Variants in HTT observed in about 807,000 individuals in gnomAD.
HTT encodes the protein huntington disease protein.
HTT carries 104 observed loss-of-function variants against 362.3 expected under a neutral mutation model. The ratio of observed to expected loss-of-function variants is 0.29; its 90% CI spans 0.24 to 0.34. HTT has a LOEUF of 0.34. HTT is among the 10% of genes least tolerant of loss of function. The pLI is 1.00. For synonymous variants in HTT, 1,577 were observed against 1,548.7 expected (o/e 1.02, Z -0.43); for missense variants, 3,301 against 3,928.6 (o/e 0.84, Z 4.27).
chr4:3,142,154 CAG>C (rs1716379457), intron 22 of HTT, among the ~76,000 whole-genome samples: 1 of 152,274 alleles, frequency 6.6e-6, no homozygotes, highest in Admixed American at 6.5e-5. Flanking sequence ...AATTGTGCAG[CAG>C]AGTGTGCTGC....
At chr4:3,236,282 C>A in intron 64 of HTT, 28 bp downstream of exon 64, 1 of 1,460,460 alleles carries the variant, frequency 6.8e-7, no homozygotes, top group Non-Finnish European at 9.6e-7. Context: ...ATCCCTCAGC[C>A]GTTAGCTTCC....
At chr4:3,120,455 C>T (rs1429714113) in intron 8 of HTT, among the ~76,000 whole-genome samples, 1 of 152,046 alleles carries the variant, frequency 6.6e-6, no homozygotes, top group East Asian at 1.9e-4. Context: ...TGGTACTGGT[C>T]CATGGGTCCC....
chr4:3,113,281 A>G (rs186609313), intron 6 of HTT, among the ~76,000 whole-genome samples: 1 of 152,138 alleles, frequency 6.6e-6, no homozygotes, highest in Non-Finnish European at 1.5e-5. Flanking sequence ...CTGACTCATC[A>G]TAATAATGAG....
intron 64 of HTT, 119 bp downstream of exon 64, chr4:3,236,373 C>T: frequency 1.3e-6 from 1 of 754,912 alleles, no homozygotes; most frequent in Admixed American, 2.0e-5. Context: ...GCCAGTGATT[C>T]CCCACCACAG....
In HTT at chr4:3,210,694, G is replaced by A. The variant is rs144925917; in HGVS notation, c.6414+745G>A. The stretch of plus-strand genomic sequence containing the variant: ...CTACTAGGACGGGAGAAACCTCCTG[G>A]TGCTTTAGCCCTGCGTTGATATGCA... On this transcript the variant is annotated intron_variant, in intron 47 of 66. Transcript: ENST00000355072. Among the ~76,000 whole-genome samples, 420 of 152,262 alleles carry A rather than the reference G, an allele frequency of 2.8e-3. 3 individuals carry two copies. Among genetic ancestry groups the A allele is most frequent in the Middle Eastern group, 0.02 (6 of 294 alleles).
chr4:3,100,287 G>C (rs577740926), intron 3 of HTT, among the ~76,000 whole-genome samples: 1 of 152,306 alleles, frequency 6.6e-6, no homozygotes, highest in Admixed American at 6.5e-5. Context: ...TCCTCAAAGT[G>C]GTAAGAAGTG....
Position 3,239,923 on chromosome 4 carries a change from T to C in HTT, c.9293T>C (p.Phe3098Ser). Residue 3098 changes from phenylalanine (F) to serine (S), a missense_variant, in exon 67 of 67, where the codon TTC becomes TCC. Phe to Ser is a radical substitution (Grantham distance 155). Transcript: ENST00000355072. ...VNLFCLVATD[F>S]YRHQIEEELD... is the part of the protein sequence containing the mutation. ...CTTTTCTGCCTGGTCGCCACAGACT[T>C]CTACAGACACCAGATAGAGGAGGAG... 1 of 1,579,100 alleles carries C rather than the reference T, an allele frequency of 6.3e-7. No individual in the cohort carries two copies. Among genetic ancestry groups the C allele is most frequent in the Non-Finnish European group, 8.6e-7 (1 of 1,161,338 alleles).
At chr4:3,125,155 G>A (rs1010845967) in intron 10 of HTT, among the ~76,000 whole-genome samples, 1 of 152,124 alleles carries the variant, frequency 6.6e-6, no homozygotes, top group Non-Finnish European at 1.5e-5. Flanking sequence ...ATTCTGGTGT[G>A]TCATTGGAGC....
chr4:3,224,534 G>T (rs1197095272), intron 56 of HTT, among the ~76,000 whole-genome samples: 1 of 152,126 alleles, frequency 6.6e-6, no homozygotes. Flanking sequence ...TGAGCACCCC[G>T]CTCCCTGCAC....
chr4:3,140,574 A>G lies in HTT; in HGVS notation c.2863A>G (p.Arg955Gly). 2 of 1,612,970 alleles carry G rather than the reference A, an allele frequency of 1.2e-6. No individual in the cohort carries two copies. Among genetic ancestry groups the G allele is most frequent in the African/African-American group, 2.7e-5 (2 of 75,048 alleles). Reference sequence around the variant, plus strand: ...AGCTGATCCAGTAGTGGCCGTGGCAAGAGATCAAAGCAGTGTTTACCTGAA... The same window carrying G: ...AGCTGATCCAGTAGTGGCCGTGGCAGGAGATCAAAGCAGTGTTTACCTGAA... Reference protein sequence around the residue: ...GQADPVVAVARDQSSVYLKLL... With the variant: ...GQADPVVAVAGDQSSVYLKLL... The change falls in exon 22 of 67, where the codon AGA becomes GGA. Residue 955 changes from arginine to glycine, a missense_variant. Physicochemically the swap from Arg to Gly is moderately radical, Grantham distance 125. This residue lies in a region of HTT where 2,316 missense variants were observed against 2,658.5 expected (regional missense o/e 0.87). Transcript: ENST00000355072.
rs529572761 is a variant in HTT at position 3,091,028 on chromosome 4, C to G, written c.347+4006C>G. On this transcript the variant is annotated intron_variant, in intron 2 of 66. Transcript: ENST00000355072. ...TTGGGAGGCTGAGGCAGGAGAATTG[C>G]TTGAACCCAGGAGGTACAGGTTGCG... 4.3e-3 allele frequency among the ~76,000 whole-genome samples: 652 copies of G among 152,316 alleles called. 2 individuals are homozygous for G. The highest frequency in any genetic ancestry group is 6.8e-3 in the Middle Eastern group (2 of 294).
intron 29 of HTT, among the ~76,000 whole-genome samples, chr4:3,165,760 A>G (rs1717671592): frequency 6.6e-6 from 1 of 151,964 alleles, no homozygotes; most frequent in Non-Finnish European, 1.5e-5. Flanking sequence ...TTTTAGCTCC[A>G]TCAGGTCATT....
chr4:3,193,620 A>C (rs538305838), intron 40 of HTT, among the ~76,000 whole-genome samples: 33 of 152,318 alleles, frequency 2.2e-4, no homozygotes, highest in African/African-American at 7.7e-4. Context: ...TTACTGTTGA[A>C]GTGTTGTCCA....
Position 3,221,802 on chromosome 4 carries a change from C to T in HTT, c.7370-585C>T, listed in dbSNP as rs115112804. ...GTCGGATGTATTTTCACTGAATCCC[C>T]GTTCCTACCTTGATACACTCTTTTT... On this transcript the variant is annotated intron_variant, in intron 53 of 66. Coordinates refer to ENST00000355072, the MANE Select transcript of HTT (RefSeq NM_001388492.1). Among the ~76,000 whole-genome samples the T allele has an allele frequency of 6.4e-3, 973 of 152,348 alleles. 15 individuals carry two copies. Among genetic ancestry groups the T allele is most frequent in the African/African-American group, 0.022 (899 of 41,590 alleles).
At position 3,099,355 on chromosome 4, in the gene HTT, C is replaced by T; in HGVS notation, c.429C>T (p.Val143=). ...GCAGTGATGACGCAGAGTCAGATGT[C>T]AGGATGGTGGCTGACGAATGCCTCA... is the stretch of plus-strand genomic sequence containing the variant. ...LLCSDDAESD[V]RMVADECLNK... is the part of the protein sequence containing the mutation. Residue 143 remains valine (V), a synonymous_variant, in exon 3 of 67, where the codon GTC becomes GTT. Coordinates refer to ENST00000355072, the MANE Select transcript of HTT (RefSeq NM_001388492.1). 6.2e-7 allele frequency: 1 copy of T among 1,613,748 alleles called. No homozygotes were observed. Among genetic ancestry groups the T allele is most frequent in the Non-Finnish European group, 8.5e-7 (1 of 1,179,626 alleles).
chr4:3,172,418 C>T (rs776923825), intron 30 of HTT, 21 bp downstream of exon 30: 63 of 1,532,524 alleles, frequency 4.1e-5, no homozygotes, highest in Non-Finnish European at 5.5e-5. Flanking sequence ...CATTCTTTTC[C>T]TCTTCTGTTA....
chr4:3,219,639 T>C (rs1265627046), intron 52 of HTT, among the ~76,000 whole-genome samples: 1 of 152,150 alleles, frequency 6.6e-6, no homozygotes, highest in Non-Finnish European at 1.5e-5. Flanking sequence ...ACTGAAGGCA[T>C]GTAAGCTGAG....
chr4:3,147,054 C>T (rs947155569), intron 25 of HTT, 106 bp downstream of exon 25: 3 of 1,078,630 alleles, frequency 2.8e-6, no homozygotes, highest in Non-Finnish European at 4.3e-6. Flanking sequence ...AAGGTCATTG[C>T]CAGTGATGGC....
intron 46 of HTT, among the ~76,000 whole-genome samples, chr4:3,209,234 C>T (rs1432681639): frequency 2.0e-5 from 3 of 152,206 alleles, no homozygotes; most frequent in African/African-American, 7.2e-5. Flanking sequence ...TCCATCTCCT[C>T]ATACCTTCTG....
Sources: gnomAD v4.1 joint callset for allele counts (sites outside exome capture counted in the v4.1 genomes callset) on GRCh38, gnomAD v4.1.1 for gene constraint, gnomAD v4.1.1 regional missense constraint, MANE v1.5 for transcripts, NCBI Gene and HGNC (gene_info 2026-07-23, HGNC 2026-07-21) for gene names.